BIN2: variants seen among roughly 807,000 people sequenced by gnomAD.
BIN2 encodes the protein breast cancer associated protein BRAP1.
A neutral mutation model predicts 67.9 loss-of-function variants in BIN2; 43 were observed. The observed-to-expected ratio is 0.63, with a 90% CI of 0.50 to 0.82. The LOEUF (loss-of-function observed/expected upper bound fraction) is 0.82. BIN2 is among the 40% of genes least tolerant of loss of function. BIN2 has a pLI of 0.00. For missense variants in BIN2, 581 were observed against 671.6 expected (o/e 0.87, Z 1.49); for synonymous variants, 244 against 246.8 (o/e 0.99, Z 0.11).
chr12:51,297,088 C>A lies in BIN2; in HGVS notation c.678+1G>T. ...GCCTCAATTGGCCAGACACCTCTCA[C>A]CTTGCTCATTTCCCTGTAGAAGACA... On this transcript the variant is annotated splice_donor_variant, in intron 8 of 12. Coordinates refer to ENST00000615107, the MANE Select transcript of BIN2 (RefSeq NM_016293.4). LOFTEE classifies it high-confidence loss of function. The A allele has an allele frequency of 6.2e-7, 1 of 1,613,250 alleles. No individual in the cohort carries two copies. Among genetic ancestry groups the A allele is most frequent in the Non-Finnish European group, 8.5e-7 (1 of 1,179,242 alleles).
intron 5 of BIN2, 128 bp downstream of exon 5, chr12:51,301,892 T>G: frequency 1.5e-6 from 1 of 655,072 alleles, no homozygotes; most frequent in Non-Finnish European, 2.7e-6. Flanking sequence ...ACCTTAATCT[T>G]TCTCCTAACT....
At chr12:51,299,180 C>G (rs758858309) in intron 7 of BIN2, 23 bp downstream of exon 7, 27 of 1,582,172 alleles carry the variant, frequency 1.7e-5, no homozygotes, top group Non-Finnish European at 2.0e-5. Context: ...GCAAAGGCAC[C>G]TTTTCTGAAT....
chr12:51,284,907 G>C (rs1945200101), intron 11 of BIN2, 120 bp from the exon 12 acceptor site: 1 of 703,492 alleles, frequency 1.4e-6, no homozygotes, highest in African/African-American at 1.8e-5. Context: ...ATTACAAAGG[G>C]CAAAATACAG....
In BIN2 at chr12:51,292,159, A is replaced by G; in HGVS notation, c.947T>C (p.Leu316Ser). Residue 316 changes from leucine to serine, a missense_variant, in exon 10 of 13, where the codon TTA (leucine) becomes TCA (serine). Transcript: ENST00000615107. Reference protein sequence around the residue: ...GEDNSEIKELLEEEEIEKEGS... With the variant: ...GEDNSEIKELSEEEEIEKEGS... ...TTCCTTCTCTATTTCCTCCTCTTCTAAGAGCTCCTTGATCTCAGAATTGTC... is the reference window on the plus strand; with the variant it reads ...TTCCTTCTCTATTTCCTCCTCTTCTGAGAGCTCCTTGATCTCAGAATTGTC... 1.2e-6 allele frequency: 2 copies of G among 1,613,910 alleles called. No individual in the cohort carries two copies. The highest frequency in any genetic ancestry group is 1.7e-6 in the Non-Finnish European group (2 of 1,179,972).
At chr12:51,298,781 A>G (rs1219752787) in intron 7 of BIN2, among the ~76,000 whole-genome samples, 1 of 152,072 alleles carries the variant, frequency 6.6e-6, no homozygotes, top group African/African-American at 2.4e-5. Flanking sequence ...TAAATGTGGA[A>G]AATCTGGCTG....
chr12:51,324,222 C>G (rs1946373123), upstream of BIN2: 1 of 1,475,266 alleles, frequency 6.8e-7, no homozygotes, highest in African/African-American at 1.4e-5. Flanking sequence ...TGAGCCACCT[C>G]AGGCCGCCCC....
At chr12:51,288,035 G>T in intron 11 of BIN2, 73 bp downstream of exon 11, 1 of 1,128,598 alleles carries the variant, frequency 8.9e-7, no homozygotes. Flanking sequence ...ATATACTTCT[G>T]GAAAAAGAAA....
At chr12:51,288,294 C>A in intron 10 of BIN2, 106 bp from the exon 11 acceptor site, 1 of 840,982 alleles carries the variant, frequency 1.2e-6, no homozygotes, top group Non-Finnish European at 2.0e-6. Flanking sequence ...TCAGGAGGCT[C>A]CCGAGGTAGC....
rs529640015 is a variant in BIN2 at position 51,297,851 on chromosome 12, C to T, written c.603-687G>A. On this transcript the variant is annotated intron_variant, in intron 7 of 12. Transcript: ENST00000615107. ...CTATTACAGTAAGTAATTATTCTTT[C>T]CCTTTATGCAATACAGGATGACTTC... 5.3e-5 allele frequency among the ~76,000 whole-genome samples: 8 copies of T among 152,222 alleles called. No individual in the cohort carries two copies. In the East Asian group the frequency reaches 1.5e-3, roughly 29 times the overall value.
intron 1 of BIN2, among the ~76,000 whole-genome samples, chr12:51,316,905 T>G (rs1946148688): frequency 2.0e-5 from 3 of 152,122 alleles, no homozygotes; most frequent in African/African-American, 4.8e-5. Flanking sequence ...AGACAGAGTT[T>G]CGCTCTTGTT....
intron 6 of BIN2, 112 bp downstream of exon 6, chr12:51,299,495 G>C (rs1356374531): frequency 1.9e-6 from 2 of 1,080,486 alleles, no homozygotes; most frequent in African/African-American, 3.1e-5. Context: ...TAGGACACTG[G>C]ATGCTGAATT....
chr12:51,281,933 A>G (rs540889490), intron 12 of BIN2, among the ~76,000 whole-genome samples: 2 of 151,924 alleles, frequency 1.3e-5, no homozygotes, highest in Non-Finnish European at 2.9e-5. Flanking sequence ...TAAAAAAAAA[A>G]TTTGTTGCCT....
intron 1 of BIN2, among the ~76,000 whole-genome samples, chr12:51,321,195 T>C (rs1946271171): frequency 6.6e-6 from 1 of 152,112 alleles, no homozygotes; most frequent in Admixed American, 6.6e-5. Flanking sequence ...ATCAGGAACG[T>C]TGTAAAGCAG....
intron 1 of BIN2, among the ~76,000 whole-genome samples, chr12:51,321,435 T>C (rs1946279528): frequency 6.6e-6 from 1 of 151,932 alleles, no homozygotes; most frequent in African/African-American, 2.4e-5. Context: ...GTTTTGCTCT[T>C]GTTGCACAAG....
rs1442833687 is a variant in BIN2 at position 51,295,575 on chromosome 12, AAAATATATATATATATATATATATAT to A, written c.761+195_761+220del. 1.8e-3 allele frequency among the ~76,000 whole-genome samples: 32 copies of A among 18,274 alleles called. 2 individuals are homozygous for A. The highest frequency in any genetic ancestry group is 0.013 in the East Asian group (3 of 228). 12.0% of individuals were successfully genotyped at this position (18,274 alleles called of 152,430 possible). A position where few individuals can be genotyped will look rare whatever the true frequency, so the allele number is the denominator to read the frequency against. Reference sequence around the variant, plus strand: ...GAGACTCCGTCTCAAAAAAAAAAAAAAAATATATATATATATATATATATATATATATATATATATATATATATATA... The same window carrying A: ...GAGACTCCGTCTCAAAAAAAAAAAAAATATATATATATATATATATATATA... On this transcript the variant is annotated intron_variant, in intron 9 of 12. Transcript: ENST00000615107.
At chr12:51,299,103 G>C in intron 7 of BIN2, 100 bp downstream of exon 7, 1 of 821,280 alleles carries the variant, frequency 1.2e-6, no homozygotes, top group South Asian at 1.5e-5. Context: ...GCGGGGCAGT[G>C]TGGGAATTTA....
rs1945759702 is a variant in BIN2 at position 51,302,705 on chromosome 12, T to G, written c.293A>C (p.Glu98Ala). ...IYSSEWDGHE[E>A]LKAIVWNNDL... is the part of the protein sequence containing the mutation. ...TCTTACCCATACGATGGCCTTCAGC[T>G]CCTCATGACCGTCCCACTCGCTGCT... The change falls in exon 4 of 13, where the codon GAG becomes GCG. Residue 98 changes from glutamate (E) to alanine (A), a missense_variant. By Grantham distance (107) the Glu-to-Ala change is moderately radical. Coordinates refer to ENST00000615107, the MANE Select transcript of BIN2 (RefSeq NM_016293.4). The G allele has an allele frequency of 6.2e-7, 1 of 1,613,942 alleles. No individual in the cohort carries two copies. The highest frequency in any genetic ancestry group is 1.1e-5 in the South Asian group (1 of 91,086).
intron 2 of BIN2, among the ~76,000 whole-genome samples, chr12:51,311,475 G>A (rs941195962): frequency 6.6e-6 from 1 of 152,028 alleles, no homozygotes; most frequent in Non-Finnish European, 1.5e-5. Flanking sequence ...GAATTCCTGG[G>A]GTCAAGCAAT....
chr12:51,323,619 T>C (rs1946347829), intron 1 of BIN2, among the ~76,000 whole-genome samples: 1 of 152,202 alleles, frequency 6.6e-6, no homozygotes, highest in African/African-American at 2.4e-5. Flanking sequence ...GAAATTGCCC[T>C]CTATGGAAAA....
Sources: gnomAD v4.1 joint callset for allele counts (sites outside exome capture counted in the v4.1 genomes callset) on GRCh38, gnomAD v4.1.1 for gene constraint, MANE v1.5 for transcripts, NCBI Gene and HGNC (gene_info 2026-07-23, HGNC 2026-07-21) for gene names.